The following ROBO2 variants were observed in gnomAD, a reference collection of about 807,000 sequenced individuals.
ROBO2 encodes roundabout homolog 2.
Under a neutral mutation model 160.8 loss-of-function variants are expected in ROBO2, and 53 were observed. That is an observed-to-expected ratio of 0.33 (90% confidence interval 0.26 to 0.41). ROBO2 has a LOEUF of 0.41. Ranked by LOEUF, ROBO2 falls within the 10% of genes least tolerant of loss-of-function variation. The pLI is 1.00. For missense variants in ROBO2, 1,577 were observed against 1,722.4 expected (o/e 0.92, Z 1.49); for synonymous variants, 664 against 611.7 (o/e 1.09, Z -1.26).
At chr3:76,333,153 C>G (rs980914292) in intron 2 of ROBO2, among the ~76,000 whole-genome samples, 3 of 152,206 alleles carry the variant, frequency 2.0e-5, no homozygotes, top group Non-Finnish European at 4.4e-5. Flanking sequence ...TACCACATAA[C>G]AGCCCTGTGA....
chr3:76,904,599 C>A (rs1235156570), intron 2 of ROBO2, among the ~76,000 whole-genome samples: 1 of 152,076 alleles, frequency 6.6e-6, no homozygotes, highest in African/African-American at 2.4e-5. Flanking sequence ...CTGCCCCTAC[C>A]TGCTGGCAAA....
In ROBO2 at chr3:76,194,350, GTAAATATATATATA is replaced by G. The variant is rs1168050425; in HGVS notation, c.109+256751_109+256764del. Among the ~76,000 whole-genome samples the G allele has an allele frequency of 1.8e-3, 77 of 42,056 alleles. 2 individuals carry two copies. The highest frequency in any genetic ancestry group is 0.012 in the Middle Eastern group (1 of 84). The allele number at this position is 42,056 out of a possible 152,430, so 27.6% of individuals were successfully genotyped here. A position where few individuals can be genotyped will look rare whatever the true frequency, so the allele number is the denominator to read the frequency against. On this transcript the variant is annotated intron_variant, in intron 2 of 26. Transcript: ENST00000487694. Reference sequence around the variant, plus strand: ...ATATCTATATAAATATGTATGGTGTGTAAATATATATATATATATATATATATATATATATAGTG... The same window carrying G: ...ATATCTATATAAATATGTATGGTGTGTATATATATATATATATATATAGTG...
intron 1 of ROBO2, among the ~76,000 whole-genome samples, chr3:77,062,789 G>A (rs1436491429): frequency 1.3e-5 from 2 of 152,154 alleles, no homozygotes; most frequent in Non-Finnish European, 2.9e-5. Flanking sequence ...AAAAATGCCA[G>A]TTTTGATTGA....
intron 2 of ROBO2, among the ~76,000 whole-genome samples, chr3:76,043,620 C>CAAAA (rs56988287): frequency 0.11 from 4,207 of 38,342 alleles, 793 homozygotes; most frequent in Middle Eastern, 0.21. Flanking sequence ...CTTCATCGTC[C>CAAAA]AAAAAAAAAA....
intron 2 of ROBO2, among the ~76,000 whole-genome samples, chr3:76,505,759 C>T (rs2080760537): frequency 6.6e-6 from 1 of 152,182 alleles, no homozygotes; most frequent in African/African-American, 2.4e-5. Context: ...TGATTTCAGA[C>T]TCCAGGAACA....
At chr3:76,699,359 A>G (rs2092999135) in intron 2 of ROBO2, among the ~76,000 whole-genome samples, 1 of 152,144 alleles carries the variant, frequency 6.6e-6, no homozygotes, top group South Asian at 2.1e-4. Context: ...GACTTAGTTT[A>G]GGGGAAGGGA....
At chr3:76,885,549 T>G (rs992787195) in intron 2 of ROBO2, among the ~76,000 whole-genome samples, 4 of 152,198 alleles carry the variant, frequency 2.6e-5, no homozygotes, top group African/African-American at 9.6e-5. Flanking sequence ...TTCCAGGATG[T>G]GTGTTAGCTA....
At chr3:77,558,508 T>G (rs1303440258) in intron 9 of ROBO2, among the ~76,000 whole-genome samples, 1 of 151,954 alleles carries the variant, frequency 6.6e-6, no homozygotes, top group Admixed American at 6.6e-5. Context: ...GCAAAAGAAA[T>G]TGTAAGGAAA....
intron 2 of ROBO2, among the ~76,000 whole-genome samples, chr3:76,293,844 G>A (rs537156849): frequency 6.6e-6 from 1 of 152,244 alleles, no homozygotes; most frequent in East Asian, 1.9e-4. Flanking sequence ...ATTATGACTT[G>A]GCTTTAATTT....
At chr3:76,667,924 A>G (rs186295211) in intron 2 of ROBO2, among the ~76,000 whole-genome samples, 4 of 152,344 alleles carry the variant, frequency 2.6e-5, no homozygotes, top group Admixed American at 2.6e-4. Context: ...AGTTTGAAAA[A>G]AAAACTATGT....
chr3:76,812,923 T>TTC (rs1393446726), intron 2 of ROBO2, among the ~76,000 whole-genome samples: 2 of 148,042 alleles, frequency 1.4e-5, no homozygotes, highest in Non-Finnish European at 3.0e-5. Flanking sequence ...TTTTTTTTTT[T>TTC]TTTTTTTTTT....
exon 5 of ROBO2, chr3:77,493,377 A>G: frequency 1.2e-6 from 2 of 1,614,140 alleles, no homozygotes; most frequent in Middle Eastern, 1.6e-4. Context: ...ACTTGCCAAG[A>G]GGAAGGTAAG....
At chr3:77,632,187 G>A (rs895566084) in intron 23 of ROBO2, 1 of 229,410 alleles carries the variant, frequency 4.4e-6, no homozygotes, top group African/African-American at 2.3e-5. Flanking sequence ...ACACATCGCA[G>A]CTCTCTTTTG....
intron 8 of ROBO2, among the ~76,000 whole-genome samples, chr3:77,557,614 T>TAATTTC (rs139344286): frequency 6.6e-6 from 1 of 151,890 alleles, no homozygotes; most frequent in African/African-American, 2.4e-5. Flanking sequence ...ATTCAAATTT[T>TAATTTC]AATTTTAATA....
At chr3:76,037,267 T>C (rs1384585186) in intron 2 of ROBO2, among the ~76,000 whole-genome samples, 2 of 151,214 alleles carry the variant, frequency 1.3e-5, no homozygotes, top group African/African-American at 2.4e-5. Flanking sequence ...TTTCTTTTTT[T>C]TTTTTTTTTA....
At chr3:76,912,849 G>A (rs761130521) in intron 2 of ROBO2, among the ~76,000 whole-genome samples, 3 of 151,886 alleles carry the variant, frequency 2.0e-5, no homozygotes, top group Non-Finnish European at 4.4e-5. Context: ...TATTAATGAC[G>A]AATTACTACG....
At chr3:76,217,703 A>G (rs1212140635) in intron 2 of ROBO2, among the ~76,000 whole-genome samples, 2 of 152,312 alleles carry the variant, frequency 1.3e-5, no homozygotes, top group East Asian at 1.9e-4. Flanking sequence ...CCAGGACCAG[A>G]TGGATATACA....
chr3:77,088,273 A>T (rs1309598766), intron 1 of ROBO2, among the ~76,000 whole-genome samples: 1 of 152,196 alleles, frequency 6.6e-6, no homozygotes, highest in Non-Finnish European at 1.5e-5. Flanking sequence ...AATCTTTATT[A>T]CTTACCTTCA....
At chr3:77,469,175 G>A (rs988726945) in intron 2 of ROBO2, among the ~76,000 whole-genome samples, 10 of 152,140 alleles carry the variant, frequency 6.6e-5, no homozygotes, top group African/African-American at 1.9e-4. Flanking sequence ...GTTGAAAAAG[G>A]AAACTTACAC....
Sources: gnomAD v4.1 joint callset for allele counts (sites outside exome capture counted in the v4.1 genomes callset) on GRCh38, gnomAD v4.1.1 for gene constraint, MANE v1.5 for transcripts, NCBI Gene and HGNC (gene_info 2026-07-23, HGNC 2026-07-21) for gene names.